The following TRIM9 variants were observed in gnomAD, a reference collection of about 807,000 sequenced individuals.
TRIM9 encodes the protein tripartite motif containing 9, also known as E3 ubiquitin-protein ligase TRIM9.
In TRIM9, 26 loss-of-function variants were observed where a neutral mutation model predicts 78.3. The ratio of observed to expected loss-of-function variants is 0.33; its 90% CI spans 0.24 to 0.46. The LOEUF (loss-of-function observed/expected upper bound fraction) is 0.46, where lower values mean the gene tolerates loss of function less well. TRIM9 is among the 20% of genes least tolerant of loss of function. The pLI is 1.00. For synonymous variants in TRIM9, 398 were observed against 416.5 expected, an observed-to-expected ratio of 0.96 and a Z score of 0.54; for missense variants, 787 against 1,036.4, an observed-to-expected ratio of 0.76 and a Z score of 3.30.
At chr14:51,001,001 AC>A (rs929037326) in intron 5 of TRIM9, among the ~76,000 whole-genome samples, 161 bp from the exon 6 acceptor site, 1 of 152,120 alleles carries the variant, frequency 6.6e-6, no homozygotes, top group African/African-American at 2.4e-5. Context: ...CAGGAGTCAG[AC>A]TGGCTCCTGA....
intron 7 of TRIM9, chr14:50,997,152 T>C: frequency 2.0e-6 from 2 of 985,458 alleles, no homozygotes; most frequent in Non-Finnish European, 2.4e-6. Context: ...GTCAGAATGC[T>C]TTGGCACCAG....
chr14:51,024,551 A>G (rs2058048206), intron 2 of TRIM9, among the ~76,000 whole-genome samples: 1 of 152,206 alleles, frequency 6.6e-6, no homozygotes, highest in African/African-American at 2.4e-5. Flanking sequence ...ACAGTACAGA[A>G]GGTCATTATT....
At chr14:51,011,231 C>T (rs185724924) in intron 3 of TRIM9, among the ~76,000 whole-genome samples, 169 of 152,290 alleles carry the variant, frequency 1.1e-3, no homozygotes, top group Non-Finnish European at 2.0e-3. Context: ...TCTGAGCAAG[C>T]GGTTTCTGCT....
chr14:51,095,052 T>A lies in TRIM9; in HGVS notation c.-113A>T. 1.3e-6 allele frequency: 1 copy of A among 744,776 alleles called. No individual in the cohort carries two copies. Among genetic ancestry groups the A allele is most frequent in the Non-Finnish European group, 1.9e-6 (1 of 523,574 alleles). 46.1% of individuals were successfully genotyped at this position (744,776 alleles called of 1,614,324 possible). ...TGGCCAGCGGCGGCGGCTGTGGTGGTGGTGCCTTCCCGCGCAGCACTGGCA... is the reference window on the plus strand; with the variant it reads ...TGGCCAGCGGCGGCGGCTGTGGTGGAGGTGCCTTCCCGCGCAGCACTGGCA... On this transcript the variant is annotated 5_prime_UTR_variant, in exon 1 of 13. Coordinates refer to ENST00000684578, the MANE Select transcript of TRIM9 (RefSeq NM_001387360.1).
intron 12 of TRIM9, among the ~76,000 whole-genome samples, chr14:50,978,392 C>T (rs1463035009): frequency 2.0e-5 from 3 of 151,934 alleles, no homozygotes; most frequent in Non-Finnish European, 2.9e-5. Context: ...ACAGCTCTTC[C>T]CCCATGCATG....
intron 1 of TRIM9, among the ~76,000 whole-genome samples, chr14:51,053,509 CT>C (rs201980160): frequency 0.018 from 2,047 of 113,740 alleles, 51 homozygotes; most frequent in African/African-American, 0.055. Context: ...AACAGGTATT[CT>C]TTTTTTTTTT....
chr14:51,071,321 A>G (rs1197293507), intron 1 of TRIM9, among the ~76,000 whole-genome samples: 1 of 147,926 alleles, frequency 6.8e-6, no homozygotes, highest in Non-Finnish European at 1.5e-5. Flanking sequence ...GGTTGTGCTG[A>G]GCCGAGACTG....
At chr14:50,983,459 CA>C in intron 8 of TRIM9, 38 bp from the exon 9 acceptor site, 1 of 1,494,210 alleles carries the variant, frequency 6.7e-7, no homozygotes, top group Non-Finnish European at 9.0e-7. Context: ...TATGAAACAA[CA>C]ACCAGGTTGA....
intron 1 of TRIM9, among the ~76,000 whole-genome samples, chr14:51,068,101 T>C (rs1230845084): frequency 6.6e-6 from 1 of 152,220 alleles, no homozygotes; most frequent in Non-Finnish European, 1.5e-5. Flanking sequence ...TTCTGATTCA[T>C]AGGTCTGGAG....
At chr14:51,000,195 G>A (rs541382679) in intron 6 of TRIM9, among the ~76,000 whole-genome samples, 15 of 152,186 alleles carry the variant, frequency 9.9e-5, no homozygotes, top group African/African-American at 3.6e-4. Flanking sequence ...CTTGGACAAC[G>A]GTTAATTATA....
intron 11 of TRIM9, among the ~76,000 whole-genome samples, chr14:50,980,111 A>C (rs8007631): frequency 0.15 from 23,326 of 152,232 alleles, 2,540 homozygotes; most frequent in African/African-American, 0.31. Flanking sequence ...TTATCCATTA[A>C]ACAGAAAAAC....
intron 1 of TRIM9, chr14:51,088,989 A>G (rs1174995706): frequency 4.1e-5 from 4 of 96,402 alleles, no homozygotes; most frequent in Non-Finnish European, 8.3e-5. Context: ...TAAAGCAAAG[A>G]AAAAAAAAAA....
chr14:50,994,398 C>T (rs1333386320), intron 7 of TRIM9, among the ~76,000 whole-genome samples: 1 of 152,002 alleles, frequency 6.6e-6, no homozygotes. Flanking sequence ...CAGAGTGTGA[C>T]CTTGTCTCAA....
intron 1 of TRIM9, among the ~76,000 whole-genome samples, chr14:51,083,195 C>T (rs745693594): frequency 1.3e-5 from 2 of 152,100 alleles, no homozygotes; most frequent in Non-Finnish European, 2.9e-5. Flanking sequence ...TTTTCTAATA[C>T]TTTTTGAAAT....
chr14:50,983,520 AG>A, intron 8 of TRIM9, 99 bp from the exon 9 acceptor site: 1 of 844,866 alleles, frequency 1.2e-6, no homozygotes, highest in African/African-American at 1.7e-5. Context: ...TATAGATACC[AG>A]AGGCCTGATC....
intron 1 of TRIM9, among the ~76,000 whole-genome samples, chr14:51,076,131 T>G (rs2062762644): frequency 6.6e-6 from 1 of 152,200 alleles, no homozygotes; most frequent in South Asian, 2.1e-4. Flanking sequence ...TAGGAGGTGG[T>G]GTGTTGCCTG....
At chr14:51,093,799 C>T (rs2140399200) in intron 1 of TRIM9, among the ~76,000 whole-genome samples, 1 of 152,358 alleles carries the variant, frequency 6.6e-6, no homozygotes, top group South Asian at 2.1e-4. Context: ...AGTGCTTTCC[C>T]ACACACTGGC....
chr14:50,983,569 GTTGGGT>G (rs1473471115), intron 8 of TRIM9, 148 bp from the exon 9 acceptor site: 3 of 479,704 alleles, frequency 6.3e-6, no homozygotes, highest in East Asian at 3.4e-5. Context: ...TATTTAGTTT[GTTGGGT>G]AAAAAACTGC....
At chr14:51,072,451 A>C (rs1306984235) in intron 1 of TRIM9, among the ~76,000 whole-genome samples, 1 of 152,190 alleles carries the variant, frequency 6.6e-6, no homozygotes, top group Non-Finnish European at 1.5e-5. Context: ...AATTTTTAAA[A>C]TAAGACAGCT....
Sources: gnomAD v4.1 joint callset for allele counts (sites outside exome capture counted in the v4.1 genomes callset) on GRCh38, gnomAD v4.1.1 for gene constraint, MANE v1.5 for transcripts, NCBI Gene and HGNC (gene_info 2026-07-23, HGNC 2026-07-21) for gene names.